The following CACNA1H variants were observed in gnomAD, a reference collection of about 807,000 sequenced individuals.
CACNA1H encodes voltage-dependent T-type calcium channel subunit alpha-1H.
In CACNA1H, 149 loss-of-function variants were observed where a neutral mutation model predicts 192.5. That is an observed-to-expected ratio of 0.77 (90% CI 0.68 to 0.89). The LOEUF (loss-of-function observed/expected upper bound fraction) is 0.89. CACNA1H is among the 40% of genes least tolerant of loss of function. CACNA1H has a pLI of 0.00. For synonymous variants in CACNA1H, 2,202 were observed against 1,475.2 expected, an observed-to-expected ratio of 1.49 and a Z score of -11.29; for missense variants, 4,257 against 3,423.5, an observed-to-expected ratio of 1.24 and a Z score of -6.08.
intron 2 of CACNA1H, among the ~76,000 whole-genome samples, chr16:1,192,775 C>T (rs1274038124): frequency 6.6e-6 from 1 of 152,116 alleles, no homozygotes; most frequent in Non-Finnish European, 1.5e-5. Flanking sequence ...TGGGAGAAAT[C>T]GGGCAATGGC....
intron 3 of CACNA1H, 132 bp from the exon 4 acceptor site, chr16:1,195,300 G>C: frequency 3.2e-6 from 4 of 1,262,462 alleles, no homozygotes; most frequent in Non-Finnish European, 4.3e-6. Context: ...TCAGTTCCTG[G>C]GGCTCAGGGC....
chr16:1,157,550 C>T (rs1962587754), intron 2 of CACNA1H: 1 of 152,282 alleles, frequency 6.6e-6, no homozygotes, highest in Non-Finnish European at 1.5e-5. Context: ...GGGCACCCGT[C>T]TGGAAAGGGC....
In CACNA1H at chr16:1,200,782, T is replaced by A. The variant is rs1967769552; in HGVS notation, c.1186T>A (p.Phe396Ile). 6.4e-7 allele frequency: 1 copy of A among 1,552,714 alleles called. No individual in the cohort carries two copies. The highest frequency in any genetic ancestry group is 2.4e-5 in the East Asian group (1 of 41,018). Residue 396 changes from phenylalanine to isoleucine, a missense_variant, in exon 8 of 35, where the codon TTC (phenylalanine) becomes ATC (isoleucine). Transcript: ENST00000348261. Reference sequence around the variant, plus strand: ...CATGGACGCCCACTCATTCTACAACTTCATCTATTTCATCCTGCTCATCAT... The same window carrying A: ...CATGGACGCCCACTCATTCTACAACATCATCTATTTCATCCTGCTCATCAT... ...YVMDAHSFYN[F>I]IYFILLIIVG...
intron 17 of CACNA1H, 93 bp from the exon 18 acceptor site, chr16:1,209,942 C>T (rs1297990097): frequency 2.3e-5 from 21 of 911,474 alleles, no homozygotes; most frequent in South Asian, 1.0e-4. Context: ...TGAGAAGGTG[C>T]TGGGAGGGGT....
In CACNA1H at chr16:1,207,094, G is replaced by C. The variant is rs775780412; in HGVS notation, c.2883G>C (p.Leu961=). The C allele has an allele frequency of 1.9e-6, 3 of 1,597,132 alleles. No homozygotes were observed. Among genetic ancestry groups the C allele is most frequent in the East Asian group, 4.5e-5 (2 of 44,150 alleles). Residue 961 remains leucine, a synonymous_variant, in exon 13 of 35, where the codon CTG becomes CTC. Transcript: ENST00000348261. The part of the protein sequence containing the change: ...VPDRKNFDSL[L]WAIVTVFQIL... ...ACAGGAAGAACTTCGACTCCCTGCT[G>C]TGGGCCATCGTCACCGTGTTCCAGG...
At chr16:1,174,594 C>T (rs981586451) in intron 2 of CACNA1H, among the ~76,000 whole-genome samples, 1 of 152,030 alleles carries the variant, frequency 6.6e-6, no homozygotes, top group Non-Finnish European at 1.5e-5. Context: ...CTGTCTGGGC[C>T]CCTCCCCAAG....
Position 1,208,085 on chromosome 16 carries a change from T to A in CACNA1H, c.3227T>A (p.Leu1076His). 1 of 1,600,636 alleles carries A rather than the reference T, an allele frequency of 6.2e-7. No individual in the cohort carries two copies. Among genetic ancestry groups the A allele is most frequent in the Non-Finnish European group, 8.5e-7 (1 of 1,174,932 alleles). Residue 1076 changes from leucine (L) to histidine (H), a missense_variant, in exon 16 of 35, where the codon CTC becomes CAC. By Grantham distance (99) the Leu-to-His change is moderately conservative. Transcript: ENST00000348261. ...GGACGAGGCAGCCTGTCCCCTCCCC[T>A]CATCATGTGCACAGCTGCCACGCCC... ...LEGRGSLSPPLIMCTAATPMP... is the reference protein window; with the variant it reads ...LEGRGSLSPPHIMCTAATPMP...
chr16:1,160,612 G>A (rs1424012939), intron 2 of CACNA1H, among the ~76,000 whole-genome samples: 1 of 152,202 alleles, frequency 6.6e-6, no homozygotes, highest in Admixed American at 6.5e-5. Flanking sequence ...GGCCGCTGGT[G>A]TCCCTGGCCT....
In CACNA1H at chr16:1,210,502, G is replaced by A; in HGVS notation, c.3969+9G>A. Reference sequence around the variant, plus strand: ...TTGATCCCGGCAGCACCGTGAGTCAGCCAACCCCATCGTCCCGGGCCACCA... The same window carrying A: ...TTGATCCCGGCAGCACCGTGAGTCAACCAACCCCATCGTCCCGGGCCACCA... On this transcript the variant is annotated intron_variant, in intron 19 of 34. Coordinates refer to ENST00000348261, the MANE Select transcript of CACNA1H (RefSeq NM_021098.3). 1.2e-6 allele frequency: 2 copies of A among 1,611,454 alleles called. No homozygotes were observed. Among genetic ancestry groups the A allele is most frequent in the South Asian group, 2.2e-5 (2 of 91,046 alleles).
intron 2 of CACNA1H, among the ~76,000 whole-genome samples, chr16:1,162,124 C>T (rs1029046192): frequency 6.6e-6 from 1 of 152,068 alleles, no homozygotes; most frequent in Non-Finnish European, 1.5e-5. Flanking sequence ...GCGGGGACTC[C>T]TCGTCCCCAC....
Position 1,153,135 on chromosome 16 carries a change from C to G in CACNA1H, c.-354C>G, listed in dbSNP as rs992111324. ...CGAAGTTTCCTGCGCCGCGCGCGGA[C>G]GGGCTCGAGGCTCGCTCGCTGCCTC... On this transcript the variant is annotated 5_prime_UTR_variant, in exon 1 of 35. Coordinates refer to ENST00000348261, the MANE Select transcript of CACNA1H (RefSeq NM_021098.3). 1.4e-5 allele frequency: 2 copies of G among 144,388 alleles called. No individual in the cohort carries two copies. Among genetic ancestry groups the G allele is most frequent in the African/African-American group, 5.0e-5 (2 of 40,216 alleles). 8.9% of individuals were successfully genotyped at this position (144,388 alleles called of 1,614,324 possible).
At chr16:1,187,056 G>A (rs1038981367) in intron 2 of CACNA1H, among the ~76,000 whole-genome samples, 5 of 152,242 alleles carry the variant, frequency 3.3e-5, no homozygotes, top group African/African-American at 1.2e-4. Flanking sequence ...CAGAGGCGAT[G>A]GAGTCCCTCA....
chr16:1,209,282 G>A lies in CACNA1H; in HGVS notation c.3614G>A (p.Arg1205Gln), dbSNP rs58594334. The change falls in exon 17 of 35, where the codon CGG becomes CAG. Residue 1205 changes from arginine to glutamine, a missense_variant. Coordinates refer to ENST00000348261, the MANE Select transcript of CACNA1H (RefSeq NM_021098.3). ...RAESLDPRPLRPAALPPTKCR... is the reference protein window; with the variant it reads ...RAESLDPRPLQPAALPPTKCR... Reference sequence around the variant, plus strand: ...GAGTCCCTGGACCCACGGCCCCTGCGGCCGGCCGCCCTCCCGCCTACCAAG... The same window carrying A: ...GAGTCCCTGGACCCACGGCCCCTGCAGCCGGCCGCCCTCCCGCCTACCAAG... 293 of 1,564,102 alleles carry A rather than the reference G, an allele frequency of 1.9e-4. No individual in the cohort carries two copies. The African/African-American group carries it at 2.7e-3, about 15-fold the overall frequency.
intron 2 of CACNA1H, among the ~76,000 whole-genome samples, chr16:1,155,364 G>T (rs1203128709): frequency 1.3e-5 from 2 of 152,232 alleles, no homozygotes; most frequent in African/African-American, 4.8e-5. Flanking sequence ...TGCAGGCCCG[G>T]CCTTGAAGAG....
Position 1,207,445 on chromosome 16 carries a change from A to G in CACNA1H, c.3063+15A>G. On this transcript the variant is annotated intron_variant, in intron 14 of 34. Coordinates refer to ENST00000348261, the MANE Select transcript of CACNA1H (RefSeq NM_021098.3). ...TCCAGGCGGAGGTGAGGGGGCAGGG[A>G]GAGGGGCTGCCAGGAGGAGGGCGAT... The G allele has an allele frequency of 6.2e-7, 1 of 1,610,724 alleles. No homozygotes were observed. Among genetic ancestry groups the G allele is most frequent in the Non-Finnish European group, 8.5e-7 (1 of 1,178,778 alleles).
chr16:1,200,164 CT>C, intron 6 of CACNA1H, 91 bp from the exon 7 acceptor site: 5 of 1,053,598 alleles, frequency 4.7e-6, no homozygotes, highest in Non-Finnish European at 6.6e-6. Context: ...CGTCCCTGAC[CT>C]TGATCACGTC....
chr16:1,163,464 C>T (rs2151664112), intron 2 of CACNA1H, among the ~76,000 whole-genome samples: 1 of 152,368 alleles, frequency 6.6e-6, no homozygotes, highest in South Asian at 2.1e-4. Context: ...CAGCCACACA[C>T]AGCCCGGCCT....
chr16:1,199,301 C>G (rs1301760058), intron 6 of CACNA1H, among the ~76,000 whole-genome samples: 1 of 84,106 alleles, frequency 1.2e-5, no homozygotes, highest in Non-Finnish European at 2.2e-5. Context: ...ACCGCGCAGT[C>G]GCTGCACATA....
At position 1,154,083 on chromosome 16, in the gene CACNA1H, G is replaced by C. The variant is rs573776247; in HGVS notation, c.299+47G>C. The C allele has an allele frequency of 2.9e-4, 235 of 815,944 alleles. 2 individuals carry two copies. In the Middle Eastern group the frequency reaches 3.5e-3, roughly 12 times the overall value. The allele number at this position is 815,944 out of a possible 1,614,324, so 50.5% of individuals were successfully genotyped here. A position where few individuals can be genotyped will look rare whatever the true frequency, so the allele number is the denominator to read the frequency against. Reference sequence around the variant, plus strand: ...GGGCGGGGGGCGGGGGGCGTGGGGAGGGTGGGGGCCCGGGGCGCGGGACTC... The same window carrying C: ...GGGCGGGGGGCGGGGGGCGTGGGGACGGTGGGGGCCCGGGGCGCGGGACTC... On this transcript the variant is annotated intron_variant, in intron 2 of 34. Transcript: ENST00000348261.
Sources: allele counts gnomAD v4.1 joint callset (sites outside exome capture counted in the v4.1 genomes callset), GRCh38; gene constraint gnomAD v4.1.1; transcripts MANE v1.5; gene names NCBI Gene and HGNC (gene_info 2026-07-23, HGNC 2026-07-21).